Variants in NCAM1 observed in about 807,000 individuals in gnomAD.
The protein encoded by NCAM1 is antigen recognized by monoclonal antibody 5.1H11.
NCAM1 carries 14 observed loss-of-function variants against 109.8 expected under a neutral mutation model. The ratio of observed to expected loss-of-function variants is 0.13; its 90% CI spans 0.08 to 0.20. NCAM1 has a LOEUF of 0.20. Ranked by LOEUF, NCAM1 falls within the 10% of genes least tolerant of loss-of-function variation. NCAM1 has a pLI of 1.00. For synonymous variants in NCAM1, 418 were observed against 442.9 expected, an observed-to-expected ratio of 0.94 and a Z score of 0.70; for missense variants, 774 against 1,109.9, an observed-to-expected ratio of 0.70 and a Z score of 4.30.
intron 17 of NCAM1, chr11:113,263,912 C>G: frequency 3.0e-6 from 3 of 985,548 alleles, no homozygotes; most frequent in Non-Finnish European, 3.6e-6. Context: ...CCGAGCCAAC[C>G]TGTCAGTGCT....
intron 1 of NCAM1, among the ~76,000 whole-genome samples, chr11:112,971,803 G>A (rs1210286475): frequency 6.6e-6 from 1 of 152,124 alleles, no homozygotes; most frequent in Non-Finnish European, 1.5e-5. Flanking sequence ...GGAACCAGAG[G>A]GTGGTTACAG....
intron 1 of NCAM1, among the ~76,000 whole-genome samples, chr11:113,092,573 C>T (rs1939398288): frequency 6.6e-6 from 1 of 152,094 alleles, no homozygotes; most frequent in Non-Finnish European, 1.5e-5. Flanking sequence ...TGAGCCAGTT[C>T]TTGATAAAAT....
intron 1 of NCAM1, among the ~76,000 whole-genome samples, chr11:113,145,384 C>T (rs1555101129): frequency 5.3e-5 from 8 of 152,166 alleles, no homozygotes. Context: ...AGTACGATAC[C>T]CATTCACTAC....
chr11:113,129,091 A>G (rs1020543595), intron 1 of NCAM1, among the ~76,000 whole-genome samples: 8 of 152,064 alleles, frequency 5.3e-5, no homozygotes. Context: ...TTGCCTTCTC[A>G]TTGGACAAAA....
At chr11:113,148,029 C>A (rs1555101634) in intron 1 of NCAM1, among the ~76,000 whole-genome samples, 1 of 152,184 alleles carries the variant, frequency 6.6e-6, no homozygotes, top group East Asian at 1.9e-4. Flanking sequence ...TCATGTCTTA[C>A]AACAATTAAT....
In NCAM1 at chr11:113,251,720, G is replaced by A. The variant is rs79085923; in HGVS notation, c.1829-4157G>A. Among the ~76,000 whole-genome samples, 5 of 152,224 alleles carry A rather than the reference G, an allele frequency of 3.3e-5. No individual in the cohort carries two copies. In the East Asian group the frequency reaches 5.8e-4, roughly 18 times the overall value. On this transcript the variant is annotated intron_variant, in intron 15 of 19. Coordinates refer to ENST00000316851, the MANE Select transcript of NCAM1 (RefSeq NM_181351.5). Reference sequence around the variant, plus strand: ...GCAACCTGCCGATTGCTGCTGAATCGCAAACCAACATTTACAAATAATTAC... The same window carrying A: ...GCAACCTGCCGATTGCTGCTGAATCACAAACCAACATTTACAAATAATTAC...
At position 113,042,234 on chromosome 11, in the gene NCAM1, C is replaced by T. The variant is rs112163677; in HGVS notation, c.52+80570C>T. On this transcript the variant is annotated intron_variant, in intron 1 of 19. Transcript: ENST00000316851. ...TGCTCCTTTGTCCTTCCTTTCCTCA[C>T]CACTTGTCTGAAGAGATGTTATCAC... Among the ~76,000 whole-genome samples the T allele has an allele frequency of 2.4e-3, 364 of 152,268 alleles. 1 individual carries two copies. Among genetic ancestry groups the T allele is most frequent in the African/African-American group, 8.3e-3 (343 of 41,548 alleles).
intron 1 of NCAM1, among the ~76,000 whole-genome samples, chr11:113,190,812 G>A (rs1943654091): frequency 6.6e-6 from 1 of 152,126 alleles, no homozygotes; most frequent in African/African-American, 2.4e-5. Flanking sequence ...TTGTGGGGGT[G>A]GGGAATGGAC....
At chr11:113,108,940 G>T (rs1307921607) in intron 1 of NCAM1, among the ~76,000 whole-genome samples, 1 of 151,226 alleles carries the variant, frequency 6.6e-6, no homozygotes, top group Non-Finnish European at 1.5e-5. Flanking sequence ...GTTTCACCAT[G>T]TTGGCCAGCC....
chr11:112,970,895 TA>T (rs1555066641), intron 1 of NCAM1, among the ~76,000 whole-genome samples: 4 of 152,146 alleles, frequency 2.6e-5, no homozygotes, highest in African/African-American at 9.7e-5. Context: ...GGGTAGATGA[TA>T]GATCCCAAAT....
Position 113,260,242 on chromosome 11 carries a change from G to C in NCAM1, c.2050G>C (p.Val684Leu). 6.2e-7 allele frequency: 1 copy of C among 1,614,012 alleles called. No individual in the cohort carries two copies. Among genetic ancestry groups the C allele is most frequent in the South Asian group, 1.1e-5 (1 of 91,084 alleles). Reference protein sequence around the residue: ...LDWNAEYEVYVVAENQQGKSK... With the variant: ...LDWNAEYEVYLVAENQQGKSK... ...CTGGAATGCTGAGTATGAGGTCTAC[G>C]TGGTGGCTGAGAACCAGCAAGGAAA... Residue 684 changes from valine (V) to leucine (L), a missense_variant, in exon 17 of 20, where the codon GTG becomes CTG. By Grantham distance (32) the Val-to-Leu change is conservative. This residue lies in a region of NCAM1 where 523 missense variants were observed against 784.2 expected (regional missense o/e 0.67). Coordinates refer to ENST00000316851, the MANE Select transcript of NCAM1 (RefSeq NM_181351.5).
chr11:113,216,882 G>A (rs1214657336), intron 8 of NCAM1, among the ~76,000 whole-genome samples: 1 of 152,190 alleles, frequency 6.6e-6, no homozygotes, highest in African/African-American at 2.4e-5. Flanking sequence ...GGCTGTTCAT[G>A]AACTGGTTGG....
chr11:113,227,057 A>G (rs573184803), intron 9 of NCAM1, among the ~76,000 whole-genome samples: 2,005 of 152,342 alleles, frequency 0.013, 27 homozygotes, highest in African/African-American at 0.038. Flanking sequence ...AAAAGCTAGC[A>G]GAAGGCAAGA....
In NCAM1 at chr11:113,103,211, C is replaced by T. The variant is rs370257373; in HGVS notation, c.53-99168C>T. Among the ~76,000 whole-genome samples, 11 of 152,280 alleles carry T rather than the reference C, an allele frequency of 7.2e-5. No individual in the cohort carries two copies. The East Asian group carries it at 2.1e-3, about 29-fold the overall frequency. On this transcript the variant is annotated intron_variant, in intron 1 of 19. Coordinates refer to ENST00000316851, the MANE Select transcript of NCAM1 (RefSeq NM_181351.5). ...TATTTCCCTAGTTGAATCATTCCTC[C>T]ACCCTCACACAGGCAACATTATTAA...
intron 1 of NCAM1, among the ~76,000 whole-genome samples, chr11:113,051,338 A>G (rs1200012881): frequency 6.6e-6 from 1 of 152,182 alleles, no homozygotes; most frequent in African/African-American, 2.4e-5. Flanking sequence ...TTTTCCCCCA[A>G]CATGACTTTT....
At position 113,260,924 on chromosome 11, in the gene NCAM1, C is replaced by T. The variant is rs149693298; in HGVS notation, c.2131+601C>T. Among the ~76,000 whole-genome samples, 7 of 152,322 alleles carry T rather than the reference C, an allele frequency of 4.6e-5. No homozygotes were observed. The East Asian group carries it at 5.8e-4, about 13-fold the overall frequency. On this transcript the variant is annotated intron_variant, in intron 17 of 19. Transcript: ENST00000316851. The stretch of plus-strand genomic sequence containing the variant: ...GAAAGCACCATCAATGAAAGCAATC[C>T]GGTCTGCTAGAGACTGTGATGGCAG...
At chr11:113,145,176 C>T (rs564424711) in intron 1 of NCAM1, among the ~76,000 whole-genome samples, 14 of 152,280 alleles carry the variant, frequency 9.2e-5, no homozygotes, top group African/African-American at 3.4e-4. Flanking sequence ...CCCAGAAATG[C>T]CAATAGCAGC....
intron 17 of NCAM1, among the ~76,000 whole-genome samples, chr11:113,265,908 T>A (rs1946125878): frequency 6.6e-6 from 1 of 152,168 alleles, no homozygotes; most frequent in Non-Finnish European, 1.5e-5. Flanking sequence ...GTGGGTCTCA[T>A]TCTTGGAGCA....
chr11:113,109,287 G>A (rs1940323856), intron 1 of NCAM1, among the ~76,000 whole-genome samples: 1 of 150,080 alleles, frequency 6.7e-6, no homozygotes, highest in African/African-American at 2.5e-5. Flanking sequence ...GGCGGAGGTT[G>A]CAGTGAGCCA....
Sources: gnomAD v4.1 joint callset for allele counts (sites outside exome capture counted in the v4.1 genomes callset) on GRCh38, gnomAD v4.1.1 for gene constraint, gnomAD v4.1.1 regional missense constraint, MANE v1.5 for transcripts, NCBI Gene and HGNC (gene_info 2026-07-23, HGNC 2026-07-21) for gene names.